Variants in CCDC171 observed in about 807,000 individuals in gnomAD.
The protein encoded by CCDC171 is coiled-coil domain-containing protein 171.
CCDC171 carries 177 observed loss-of-function variants against 168.2 expected under a neutral mutation model. The observed-to-expected ratio is 1.05, with a 90% CI of 0.93 to 1.19. The LOEUF is 1.19. CCDC171 is among the 50% of genes most tolerant of loss of function. The pLI is 0.00. For missense variants in CCDC171, 1,991 were observed against 1,539.0 expected, an observed-to-expected ratio of 1.29 and a Z score of -4.91; for synonymous variants, 687 against 540.8, an observed-to-expected ratio of 1.27 and a Z score of -3.75.
chr9:15,902,239 A>G (rs555667004), intron 24 of CCDC171, among the ~76,000 whole-genome samples: 1 of 100,424 alleles, frequency 1.0e-5, no homozygotes, highest in African/African-American at 3.5e-5. Context: ...ACAAAGCTAT[A>G]AAATTCATAT....
chr9:15,627,137 G>T (rs566071562), intron 7 of CCDC171, among the ~76,000 whole-genome samples: 14 of 152,266 alleles, frequency 9.2e-5, no homozygotes, highest in Admixed American at 9.1e-4. Context: ...ATGGTAGTTT[G>T]TATTTCCGTG....
intron 16 of CCDC171, among the ~76,000 whole-genome samples, chr9:15,732,014 C>A (rs1246064079): frequency 6.6e-6 from 1 of 151,988 alleles, no homozygotes; most frequent in East Asian, 1.9e-4. Flanking sequence ...ATCTCTTCTA[C>A]TGTTTTCTCA....
intron 24 of CCDC171, among the ~76,000 whole-genome samples, chr9:15,918,343 C>T (rs1223801329): frequency 6.6e-6 from 1 of 150,726 alleles, no homozygotes; most frequent in Non-Finnish European, 1.5e-5. Flanking sequence ...ACTCTTTTTC[C>T]CATTTTATAG....
intron 11 of CCDC171, among the ~76,000 whole-genome samples, chr9:15,700,479 A>G (rs2051636182): frequency 6.6e-6 from 1 of 152,164 alleles, no homozygotes; most frequent in Admixed American, 6.5e-5. Flanking sequence ...CAGCCCAGAA[A>G]GGGGCTCCCA....
intron 25 of CCDC171, among the ~76,000 whole-genome samples, chr9:15,924,224 G>A (rs1825652859): frequency 6.6e-6 from 1 of 151,444 alleles, no homozygotes; most frequent in Non-Finnish European, 1.5e-5. Flanking sequence ...AGGGAGTTAG[G>A]AAGGAGTGGA....
intron 4 of CCDC171, chr9:15,588,535 G>C: frequency 2.9e-6 from 1 of 349,200 alleles, no homozygotes; most frequent in Non-Finnish European, 5.7e-6. Context: ...TGCTTACAAG[G>C]AGGGGAAGAA....
intron 21 of CCDC171, among the ~76,000 whole-genome samples, chr9:15,835,078 C>A (rs1166372835): frequency 6.6e-6 from 1 of 152,026 alleles, no homozygotes; most frequent in African/African-American, 2.4e-5. Context: ...TAAAAACAGG[C>A]AACTTTAATT....
downstream of CCDC171, among the ~76,000 whole-genome samples, chr9:15,976,461 T>C (rs188697175): frequency 2.7e-4 from 41 of 152,220 alleles, no homozygotes; most frequent in Admixed American, 1.8e-3. Flanking sequence ...AATTAACCTG[T>C]GATTTCAATG....
At chr9:16,011,998 G>C (rs2987080) in intron 3 of CCDC171, among the ~76,000 whole-genome samples, 3,098 of 152,288 alleles carry the variant, frequency 0.02, 104 homozygotes, top group African/African-American at 0.072. Flanking sequence ...GAGGGGAAGA[G>C]ATTGTCCTTT....
the CCDC171 span, among the ~76,000 whole-genome samples, chr9:16,096,617 G>A: frequency 1.3e-5 from 2 of 152,188 alleles, no homozygotes; most frequent in Non-Finnish European, 2.9e-5. Flanking sequence ...AAGGGAGGGA[G>A]AAGAGAAAGT....
chr9:16,025,416 G>A lies in CCDC171; in HGVS notation n.998+2508G>A, dbSNP rs185979528. 2.6e-5 allele frequency among the ~76,000 whole-genome samples: 4 copies of A among 152,208 alleles called. No individual in the cohort carries two copies. In the East Asian group the frequency reaches 5.8e-4, roughly 22 times the overall value. ...TTGCAGTGAGCTGAGATTGCGCCAC[G>A]GCACTGCAGCCTAGCCTGGGTGACA... On this transcript the variant is annotated intron_variant and non_coding_transcript_variant, in intron 6 of 9. Transcript: ENST00000486641.
rs139132550 is a variant in CCDC171, at chr9:15,628,028, A to G, written c.822+4615A>G. Among the ~76,000 whole-genome samples, 241 of 152,164 alleles carry G rather than the reference A, an allele frequency of 1.6e-3. 1 individual carries two copies. The highest frequency in any genetic ancestry group is 0.01 in the Middle Eastern group (3 of 294). On this transcript the variant is annotated intron_variant, in intron 7 of 25. Coordinates refer to ENST00000380701, the MANE Select transcript of CCDC171 (RefSeq NM_173550.4). ...TGTAGGGTGATAAGGAAATGTTAAA[A>G]GGTTTCACTGGGGAGGGAGCCAAGA...
At chr9:16,098,384 T>C in the CCDC171 span, among the ~76,000 whole-genome samples, 290 of 152,338 alleles carry the variant, frequency 1.9e-3, no homozygotes, top group African/African-American at 6.5e-3. Flanking sequence ...AAGGACTTCA[T>C]AGCCTGGTTG....
At chr9:15,826,907 A>G (rs1171508431) in intron 21 of CCDC171, among the ~76,000 whole-genome samples, 1 of 152,246 alleles carries the variant, frequency 6.6e-6, no homozygotes, top group Non-Finnish European at 1.5e-5. Flanking sequence ...ATATTGTTCT[A>G]AATTGTAACT....
intron 11 of CCDC171, among the ~76,000 whole-genome samples, chr9:15,702,636 G>A (rs1422474902): frequency 6.6e-6 from 1 of 152,088 alleles, no homozygotes; most frequent in African/African-American, 2.4e-5. Context: ...AGTCCTAGGT[G>A]ACATTTTGCA....
chr9:15,576,789 T>C (rs1406821130), intron 3 of CCDC171, among the ~76,000 whole-genome samples: 1 of 152,238 alleles, frequency 6.6e-6, no homozygotes. Context: ...TTCTGCTATA[T>C]AAGCTATTTC....
chr9:16,025,140 C>G (rs377039560), intron 6 of CCDC171, among the ~76,000 whole-genome samples: 8 of 152,126 alleles, frequency 5.3e-5, no homozygotes, highest in Admixed American at 3.9e-4. Flanking sequence ...AATATATGTC[C>G]ACATAAAAAC....
intron 21 of CCDC171, among the ~76,000 whole-genome samples, chr9:15,835,534 TC>T (rs2060406088): frequency 6.6e-6 from 1 of 152,082 alleles, no homozygotes; most frequent in Non-Finnish European, 1.5e-5. Context: ...TTTAAGCAAT[TC>T]TCCTGCCCCA....
At chr9:16,072,850 A>G in the CCDC171 span, among the ~76,000 whole-genome samples, 2 of 152,156 alleles carry the variant, frequency 1.3e-5, no homozygotes, top group African/African-American at 2.4e-5. Flanking sequence ...CTTAGCATCA[A>G]TCTTTCTTAC....
Sources: gnomAD v4.1 joint callset for allele counts (sites outside exome capture counted in the v4.1 genomes callset) on GRCh38, gnomAD v4.1.1 for gene constraint, MANE v1.5 for transcripts, NCBI Gene and HGNC (gene_info 2026-07-23, HGNC 2026-07-21) for gene names.